YEATS4: variants seen among roughly 807,000 people sequenced by gnomAD.
The protein encoded by YEATS4 is YEATS domain containing 4, also known as YEATS domain-containing protein 4.
YEATS4 carries 17 observed loss-of-function variants against 30.1 expected under a neutral mutation model. The ratio of observed to expected loss-of-function variants is 0.56; its 90% CI spans 0.39 to 0.85. The LOEUF (loss-of-function observed/expected upper bound fraction) is 0.85. Ranked by LOEUF, YEATS4 falls within the 40% of genes least tolerant of loss-of-function variation. The pLI, the probability that YEATS4 is intolerant of heterozygous loss-of-function variation, is 0.00. For missense variants in YEATS4, 142 were observed against 268.3 expected (o/e 0.53, Z 3.29); for synonymous variants, 85 against 87.5 (o/e 0.97, Z 0.16).
At chr12:69,397,000 A>T in the YEATS4 span, among the ~76,000 whole-genome samples, 115,163 of 152,088 alleles carry the variant, frequency 0.76, 43,989 homozygotes, top group African/African-American at 0.87. Flanking sequence ...GAATTCTGTT[A>T]AAGGGTAAAT....
At chr12:69,363,422 A>G (rs1849398209) in intron 2 of YEATS4, among the ~76,000 whole-genome samples, 1 of 152,246 alleles carries the variant, frequency 6.6e-6, no homozygotes, top group Non-Finnish European at 1.5e-5. Context: ...ATTTTCCAAA[A>G]ATGTTTCCTA....
chr12:69,375,272 G>A (rs1465347565), intron 6 of YEATS4, among the ~76,000 whole-genome samples: 122 of 151,336 alleles, frequency 8.1e-4, no homozygotes, highest in African/African-American at 2.6e-3. Flanking sequence ...ATGGGGTCGC[G>A]GCCGGGCAGA....
chr12:69,387,372 T>A (rs1868263803), intron 6 of YEATS4, among the ~76,000 whole-genome samples: 1 of 152,216 alleles, frequency 6.6e-6, no homozygotes, highest in South Asian at 2.1e-4. Flanking sequence ...AATTGGTAGA[T>A]CCTTTTGAGT....
At chr12:69,389,387 T>G (rs1168356894) in intron 6 of YEATS4, among the ~76,000 whole-genome samples, 2 of 149,714 alleles carry the variant, frequency 1.3e-5, no homozygotes, top group East Asian at 4.0e-4. Flanking sequence ...GAGGCATAGG[T>G]TGCAGTGAGC....
At chr12:69,412,121 A>G in the YEATS4 span, among the ~76,000 whole-genome samples, 3 of 152,166 alleles carry the variant, frequency 2.0e-5, no homozygotes, top group Non-Finnish European at 4.4e-5. Flanking sequence ...TACACTTAAT[A>G]TGTCTGTGCA....
the YEATS4 span, among the ~76,000 whole-genome samples, chr12:69,411,715 CGAA>C: frequency 6.6e-5 from 10 of 152,034 alleles, no homozygotes; most frequent in South Asian, 2.1e-4. Flanking sequence ...GTGCGAGACA[CGAA>C]GGAGGTGAAG....
the YEATS4 span, among the ~76,000 whole-genome samples, chr12:69,418,298 A>C: frequency 6.6e-6 from 1 of 152,176 alleles, no homozygotes; most frequent in Non-Finnish European, 1.5e-5. Flanking sequence ...CTAAAAATAC[A>C]AAAATTAGCG....
At chr12:69,404,623 C>T in the YEATS4 span, among the ~76,000 whole-genome samples, 4 of 152,194 alleles carry the variant, frequency 2.6e-5, no homozygotes, top group Non-Finnish European at 5.9e-5. Flanking sequence ...TGGGACTTCC[C>T]AGCCTCCAGA....
chr12:69,404,104 T>A, the YEATS4 span, among the ~76,000 whole-genome samples: 2 of 152,170 alleles, frequency 1.3e-5, no homozygotes, highest in African/African-American at 4.8e-5. Flanking sequence ...TTCACGCTAA[T>A]TGTCACAAGT....
At chr12:69,398,682 G>C in the YEATS4 span, among the ~76,000 whole-genome samples, 1 of 151,892 alleles carries the variant, frequency 6.6e-6, no homozygotes, top group Non-Finnish European at 1.5e-5. Context: ...GGGCATGGTG[G>C]TGTGCACCTG....
At chr12:69,422,131 G>A in the YEATS4 span, among the ~76,000 whole-genome samples, 1,718 of 152,316 alleles carry the variant, frequency 0.011, 12 homozygotes, top group Non-Finnish European at 0.018. Context: ...CAAGAAGGGG[G>A]TGGAGGATGT....
chr12:69,379,384 A>G lies in YEATS4; in HGVS notation c.514+8409A>G, dbSNP rs568416830. 5.3e-5 allele frequency among the ~76,000 whole-genome samples: 8 copies of G among 151,784 alleles called. No homozygotes were observed. The East Asian group carries it at 1.6e-3, about 29-fold the overall frequency. ...CTCTCTCTCTATCTCCTCTTTAATTAAGGTCAATAACTCTTAGATTCTACC... is the reference window on the plus strand; with the variant it reads ...CTCTCTCTCTATCTCCTCTTTAATTGAGGTCAATAACTCTTAGATTCTACC... On this transcript the variant is annotated intron_variant, in intron 6 of 6. Coordinates refer to ENST00000247843, the MANE Select transcript of YEATS4 (RefSeq NM_006530.4).
chr12:69,392,434 G>T (rs1452144895), downstream of YEATS4, among the ~76,000 whole-genome samples: 4 of 152,194 alleles, frequency 2.6e-5, no homozygotes, highest in African/African-American at 9.7e-5. Context: ...GTACATCAAT[G>T]TTCATAGCAT....
At chr12:69,362,013 G>GTTTTTGT (rs1555174243) in intron 1 of YEATS4, among the ~76,000 whole-genome samples, 20 of 69,076 alleles carry the variant, frequency 2.9e-4, no homozygotes, top group South Asian at 5.0e-4. Context: ...GTGTTTGGTT[G>GTTTTTGT]TTTTTTTTTT....
chr12:69,375,205 C>T (rs4622313), intron 6 of YEATS4, among the ~76,000 whole-genome samples: 59,403 of 146,868 alleles, frequency 0.4, 12,132 homozygotes, highest in Non-Finnish European at 0.46. Context: ...CGGTCAGAGA[C>T]GCTCCTCACC....
At chr12:69,388,188 G>A (rs982288013) in intron 6 of YEATS4, among the ~76,000 whole-genome samples, 6 of 152,086 alleles carry the variant, frequency 3.9e-5, no homozygotes, top group East Asian at 1.9e-4. Context: ...AGCCTCACGC[G>A]TAGCTGGGAC....
intron 2 of YEATS4, chr12:69,364,137 T>TG: frequency 2.2e-6 from 1 of 445,284 alleles, no homozygotes; most frequent in Non-Finnish European, 4.5e-6. Flanking sequence ...GTAGTGATTC[T>TG]TATGAGACTC....
At chr12:69,388,644 A>G (rs147274157) in intron 6 of YEATS4, among the ~76,000 whole-genome samples, 2 of 152,374 alleles carry the variant, frequency 1.3e-5, no homozygotes, top group African/African-American at 4.8e-5. Context: ...ATATTTAAAT[A>G]GATGTGTCCT....
At chr12:69,406,019 T>G in the YEATS4 span, among the ~76,000 whole-genome samples, 2 of 152,252 alleles carry the variant, frequency 1.3e-5, no homozygotes, top group Non-Finnish European at 2.9e-5. Context: ...TATATGAATG[T>G]TCTATGATTT....
Sources: allele counts gnomAD v4.1 joint callset (sites outside exome capture counted in the v4.1 genomes callset), GRCh38; gene constraint gnomAD v4.1.1; transcripts MANE v1.5; gene names NCBI Gene and HGNC (gene_info 2026-07-23, HGNC 2026-07-21).